Variants in TMEM45A observed in about 807,000 individuals in gnomAD.
TMEM45A encodes the protein transmembrane protein 45A, also known as DNA polymerase-transactivated protein 4.
Under a neutral mutation model 32.0 loss-of-function variants are expected in TMEM45A, and 25 were observed. The observed-to-expected ratio is 0.78, with a 90% CI of 0.57 to 1.09. The LOEUF (loss-of-function observed/expected upper bound fraction) is 1.09. Ranked by LOEUF, TMEM45A falls within the 50% of genes least tolerant of loss-of-function variation. The pLI is 0.00. For missense variants in TMEM45A, 302 were observed against 325.0 expected (o/e 0.93, Z 0.54); for synonymous variants, 122 against 114.8 (o/e 1.06, Z -0.40).
At chr3:100,539,183 T>C (rs975220682) in intron 1 of TMEM45A, among the ~76,000 whole-genome samples, 2 of 152,160 alleles carry the variant, frequency 1.3e-5, no homozygotes, top group Admixed American at 6.5e-5. Context: ...GTACTGATAC[T>C]ACCTGACTTC....
intron 1 of TMEM45A, among the ~76,000 whole-genome samples, chr3:100,549,260 AAAAC>A (rs1706041648): frequency 6.6e-6 from 1 of 151,960 alleles, no homozygotes; most frequent in Non-Finnish European, 1.5e-5. Flanking sequence ...AAAAAACAAA[AAAAC>A]AAAAAAACAA....
chr3:100,520,676 T>C (rs73135414), intron 1 of TMEM45A, among the ~76,000 whole-genome samples: 7,164 of 152,268 alleles, frequency 0.047, 244 homozygotes, highest in South Asian at 0.081. Flanking sequence ...CTGCTTCTAG[T>C]CTTTTCCCTG....
chr3:100,519,401 G>C lies in TMEM45A; in HGVS notation c.-4+26473G>C, dbSNP rs781390563. On this transcript the variant is annotated intron_variant, in intron 1 of 5. Transcript: ENST00000323523. ...TGTGTGTGTGCATGTGTGTGTGTGT[G>C]TGTGTGTGTAAAACTGACTGTAAGA... The C allele has an allele frequency of 6.0e-4, 379 of 636,526 alleles. 1 individual carries two copies. The African/African-American group carries it at 6.4e-3, about 11-fold the overall frequency. 39.4% of individuals were successfully genotyped at this position (636,526 alleles called of 1,614,324 possible).
chr3:100,509,754 G>C (rs1708128365), intron 1 of TMEM45A, among the ~76,000 whole-genome samples: 1 of 152,074 alleles, frequency 6.6e-6, no homozygotes, highest in Admixed American at 6.5e-5. Flanking sequence ...CAGGTCAGTG[G>C]GTGCGCGCAC....
Position 100,527,520 on chromosome 3 carries a change from G to A in TMEM45A, c.-3-27689G>A, listed in dbSNP as rs72945220. ...TACAGAATGCTGGGAATTGTGATGA[G>A]GTTGGGAGAAACATTGGAAACTGTC... On this transcript the variant is annotated intron_variant, in intron 1 of 5. Coordinates refer to ENST00000323523, the MANE Select transcript of TMEM45A (RefSeq NM_018004.3). Among the ~76,000 whole-genome samples the A allele has an allele frequency of 5.4e-3, 828 of 152,222 alleles. 8 individuals are homozygous for A. The highest frequency in any genetic ancestry group is 0.019 in the African/African-American group (788 of 41,526).
At chr3:100,529,279 A>G (rs1346827780) in intron 1 of TMEM45A, among the ~76,000 whole-genome samples, 2 of 152,206 alleles carry the variant, frequency 1.3e-5, no homozygotes, top group Non-Finnish European at 2.9e-5. Context: ...ACACTGCTTT[A>G]CCTCATTCTT....
chr3:100,518,118 A>G (rs1705339605), intron 1 of TMEM45A, among the ~76,000 whole-genome samples: 1 of 152,222 alleles, frequency 6.6e-6, no homozygotes, highest in South Asian at 2.1e-4. Context: ...AAGCAGAAAG[A>G]AAAAAGGAAG....
At chr3:100,558,888 A>C (rs1706275134) in intron 4 of TMEM45A, among the ~76,000 whole-genome samples, 1 of 152,234 alleles carries the variant, frequency 6.6e-6, no homozygotes, top group African/African-American at 2.4e-5. Context: ...CTTATAGCAT[A>C]ATAAGCTTAA....
At chr3:100,560,863 G>T (rs1029123784) in intron 4 of TMEM45A, among the ~76,000 whole-genome samples, 1 of 152,194 alleles carries the variant, frequency 6.6e-6, no homozygotes, top group Non-Finnish European at 1.5e-5. Flanking sequence ...GAAGCTGTGG[G>T]TTATACCTCA....
intron 5 of TMEM45A, among the ~76,000 whole-genome samples, chr3:100,569,296 G>A (rs1044938746): frequency 3.3e-5 from 5 of 152,106 alleles, no homozygotes; most frequent in Non-Finnish European, 5.9e-5. Context: ...ACTGCCTATA[G>A]TGAGTCCTCC....
intron 1 of TMEM45A, among the ~76,000 whole-genome samples, chr3:100,513,904 G>A (rs1270116033): frequency 9.2e-5 from 14 of 152,064 alleles, no homozygotes; most frequent in Admixed American, 4.6e-4. Flanking sequence ...AAATACCTAG[G>A]AATCCAACTT....
At chr3:100,536,454 C>T (rs1474297234) in intron 1 of TMEM45A, among the ~76,000 whole-genome samples, 1 of 152,186 alleles carries the variant, frequency 6.6e-6, no homozygotes, top group Non-Finnish European at 1.5e-5. Flanking sequence ...AGATAAGTTC[C>T]ATGAGAACAA....
intron 1 of TMEM45A, among the ~76,000 whole-genome samples, chr3:100,510,785 G>T (rs1230364114): frequency 9.3e-4 from 142 of 152,272 alleles, no homozygotes; most frequent in African/African-American, 3.2e-3. Flanking sequence ...TAAAGGAGCT[G>T]ATGGAGCTGA....
chr3:100,558,673 G>C, intron 4 of TMEM45A, 84 bp downstream of exon 4: 2 of 1,383,892 alleles, frequency 1.4e-6, no homozygotes, highest in Non-Finnish European at 2.0e-6. Context: ...TGCTCCCGGA[G>C]ACTTCCCTCC....
intron 4 of TMEM45A, among the ~76,000 whole-genome samples, chr3:100,561,616 A>T (rs1706332580): frequency 6.6e-6 from 1 of 152,162 alleles, no homozygotes; most frequent in Admixed American, 6.5e-5. Context: ...AGAAAAAAAA[A>T]TCCTGCAAGC....
chr3:100,561,965 G>A (rs76590948), intron 4 of TMEM45A, among the ~76,000 whole-genome samples: 4,230 of 152,276 alleles, frequency 0.028, 79 homozygotes, highest in Middle Eastern at 0.061. Flanking sequence ...AGCAGTAATG[G>A]TTTGAGGTCT....
intron 1 of TMEM45A, among the ~76,000 whole-genome samples, chr3:100,525,434 G>T (rs1705523719): frequency 6.6e-6 from 1 of 152,052 alleles, no homozygotes; most frequent in East Asian, 1.9e-4. Flanking sequence ...GTCTGATGGG[G>T]GGAAGGTAGA....
chr3:100,557,005 C>G, intron 3 of TMEM45A, 33 bp downstream of exon 3: 1 of 1,603,164 alleles, frequency 6.2e-7, no homozygotes, highest in East Asian at 2.2e-5. Flanking sequence ...ATGTACCTTT[C>G]TCTATTAGTG....
At chr3:100,541,680 C>T (rs113667660) in intron 1 of TMEM45A, among the ~76,000 whole-genome samples, 4,726 of 152,088 alleles carry the variant, frequency 0.031, 96 homozygotes, top group Non-Finnish European at 0.05. Flanking sequence ...TAGGCAAGTG[C>T]CACCATGCCC....
Sources: gnomAD v4.1 joint callset for allele counts (sites outside exome capture counted in the v4.1 genomes callset) on GRCh38, gnomAD v4.1.1 for gene constraint, MANE v1.5 for transcripts, NCBI Gene and HGNC (gene_info 2026-07-23, HGNC 2026-07-21) for gene names.